ITGB2: variants seen among roughly 807,000 people sequenced by gnomAD.
ITGB2 encodes the protein integrin beta-2.
A neutral mutation model predicts 86.8 loss-of-function variants in ITGB2; 56 were observed. The observed-to-expected ratio is 0.65, with a 90% CI of 0.52 to 0.81. The LOEUF (loss-of-function observed/expected upper bound fraction) is 0.81, where lower values mean the gene tolerates loss of function less well. Among genes scored for constraint, ITGB2 ranks in the 30% least tolerant of loss-of-function variants. The pLI is 0.00. For synonymous variants in ITGB2, 457 were observed against 450.4 expected (o/e 1.01, Z -0.19); for missense variants, 948 against 1,061.2 (o/e 0.89, Z 1.48).
intron 4 of ITGB2, among the ~76,000 whole-genome samples, chr21:44,904,998 C>A (rs922731621): frequency 6.6e-6 from 1 of 152,244 alleles, no homozygotes. Flanking sequence ...AAGGGCCAGA[C>A]AGTAAATGTG....
At chr21:44,922,556 C>T (rs935546319), upstream of ITGB2, among the ~76,000 whole-genome samples, 19 of 150,886 alleles carry the variant, frequency 1.3e-4, no homozygotes, top group African/African-American at 4.6e-4. Flanking sequence ...CGATATGGTC[C>T]AGGCTACTTG....
chr21:44,916,830 T>C (rs947052451), intron 1 of ITGB2, among the ~76,000 whole-genome samples: 31 of 146,012 alleles, frequency 2.1e-4, no homozygotes, highest in Non-Finnish European at 3.1e-4. Flanking sequence ...ATCTCACCTC[T>C]GCACTCCAGC....
chr21:44,919,812 T>TCCTC (rs1432147420), intron 1 of ITGB2, among the ~76,000 whole-genome samples: 1 of 151,990 alleles, frequency 6.6e-6, no homozygotes, highest in East Asian at 1.9e-4. Flanking sequence ...AGCTCCCAGA[T>TCCTC]CCAGGGGAGG....
chr21:44,926,629 C>G (rs1047702583), intron 1 of ITGB2, among the ~76,000 whole-genome samples: 1 of 152,192 alleles, frequency 6.6e-6, no homozygotes, highest in Non-Finnish European at 1.5e-5. Flanking sequence ...GTCAGGTGGG[C>G]GAAACTGGCC....
intron 14 of ITGB2, among the ~76,000 whole-genome samples, chr21:44,887,234 C>T (rs1315124924): frequency 6.6e-6 from 1 of 152,192 alleles, no homozygotes; most frequent in Non-Finnish European, 1.5e-5. Context: ...CCCCGCTCTC[C>T]TACAGCAGAG....
intron 3 of ITGB2, chr21:44,908,116 C>G (rs1332306865): frequency 5.5e-6 from 4 of 726,702 alleles, no homozygotes; most frequent in Non-Finnish European, 1.0e-5. Flanking sequence ...CAGACGGGAG[C>G]CACCCGGCTT....
At chr21:44,928,429 CAG>C (rs1321146870) in intron 1 of ITGB2, 1 of 152,326 alleles carries the variant, frequency 6.6e-6, no homozygotes, top group Non-Finnish European at 1.5e-5. Context: ...ATTGCATGGT[CAG>C]AGAGAGCAAA....
upstream of ITGB2, among the ~76,000 whole-genome samples, chr21:44,925,513 C>T (rs1374460210): frequency 6.6e-6 from 1 of 152,114 alleles, no homozygotes; most frequent in African/African-American, 2.4e-5. Flanking sequence ...ACTGAACTCA[C>T]ATGAGAACCA....
intron 1 of ITGB2, among the ~76,000 whole-genome samples, chr21:44,913,645 G>A (rs1205785111): frequency 2.0e-5 from 3 of 152,284 alleles, no homozygotes; most frequent in Middle Eastern, 3.4e-3. Flanking sequence ...ATGAAGGTCC[G>A]CTCCAGGAGG....
At position 44,889,985 on chromosome 21, in the gene ITGB2, G is replaced by A. The variant is rs142476743; in HGVS notation, c.1650C>T (p.Gly550=). 141 of 1,612,966 alleles carry A rather than the reference G, an allele frequency of 8.7e-5. No homozygotes were observed. The highest frequency in any genetic ancestry group is 1.0e-4 in the Admixed American group (6 of 59,990). Residue 550 remains glycine, a synonymous_variant, in exon 12 of 16, where the codon GGC becomes GGT. Coordinates refer to ENST00000652462, the MANE Select transcript of ITGB2 (RefSeq NM_000211.5). ...NCERYNGQVC[G]GPGRGLCFCG... ...AGGGACCCACGGGCTCACCCGGGCC[G>A]CCGCAGACCTGGCCGTTGTAGCGCT...
chr21:44,906,886 C>T (rs750649868), intron 4 of ITGB2, 29 bp downstream of exon 4: 4 of 1,611,984 alleles, frequency 2.5e-6, no homozygotes, highest in East Asian at 2.2e-5. Flanking sequence ...ACAGACGGTG[C>T]CTGGCACCAC....
chr21:44,890,889 G>A (rs928860415), intron 11 of ITGB2, among the ~76,000 whole-genome samples: 3 of 152,230 alleles, frequency 2.0e-5, no homozygotes, highest in East Asian at 1.9e-4. Flanking sequence ...TGAAGAGGCC[G>A]CCCCAGGGCT....
At chr21:44,893,193 G>C in intron 10 of ITGB2, 1 of 565,034 alleles carries the variant, frequency 1.8e-6, no homozygotes, top group Non-Finnish European at 3.2e-6. Context: ...AAAGAAACAG[G>C]GTCCTTCCAG....
At position 44,886,210 on chromosome 21, in the gene ITGB2, G is replaced by T; in HGVS notation, c.*158C>A. On this transcript the variant is annotated 3_prime_UTR_variant, in exon 16 of 16. Transcript: ENST00000652462. ...GAGCTGTCCCCCCGACGAGCCCCCA[G>T]AAGCACCCGGCCGGCCATGGCTGTC... 1.4e-6 allele frequency: 1 copy of T among 730,438 alleles called. No homozygotes were observed. The highest frequency in any genetic ancestry group is 2.4e-6 in the Non-Finnish European group (1 of 410,060). The allele number at this position is 730,438 out of a possible 1,614,324, so 45.2% of individuals were successfully genotyped here. A position where few individuals can be genotyped will look rare whatever the true frequency, so the allele number is the denominator to read the frequency against.
chr21:44,924,604 T>C (rs1037170286), upstream of ITGB2, among the ~76,000 whole-genome samples: 1 of 151,932 alleles, frequency 6.6e-6, no homozygotes. Context: ...AACCACATAT[T>C]CTAAAGCACA....
In ITGB2 at chr21:44,906,663, C is replaced by T. The variant is rs75887000; in HGVS notation, c.328+252G>A. Among the ~76,000 whole-genome samples, 20,020 of 152,072 alleles carry T rather than the reference C, an allele frequency of 0.13. 1,672 individuals are homozygous for T. Among genetic ancestry groups the T allele is most frequent in the Admixed American group, 0.22 (3,348 of 15,300 alleles). ...TTTAAAAAAAAAAGGTGCAGAACGT[C>T]GGGCTGCGAGAGAGTGCAGACACTG... On this transcript the variant is annotated intron_variant, in intron 4 of 15. Transcript: ENST00000652462.
rs541510772 is a variant in ITGB2, at chr21:44,899,142, C to G, written c.918G>C (p.Gln306His). The part of the protein sequence containing the change: ...SNEFDYPSVG[Q>H]LAHKLAENNI... ...TGTTTTCAGCCAGCTTGTGCGCCAG[C>G]TGGCCCACCGATGGGTAGTCCTGGA... Residue 306 changes from glutamine (Q) to histidine (H), a missense_variant, in exon 8 of 16, where the codon CAG becomes CAC. Transcript: ENST00000652462. 7 of 1,614,118 alleles carry G rather than the reference C, an allele frequency of 4.3e-6. No homozygotes were observed. The Admixed American group carries it at 1.2e-4, about 27-fold the overall frequency.
chr21:44,918,445 T>C lies in ITGB2; in HGVS notation c.-4+2376A>G, dbSNP rs142911805. 4.3e-3 allele frequency among the ~76,000 whole-genome samples: 659 copies of C among 152,250 alleles called. 3 individuals are homozygous for C. Among genetic ancestry groups the C allele is most frequent in the African/African-American group, 0.015 (623 of 41,552 alleles). ...GGGCCTGGCAGGAGCCCTGGGGAAGTGAGTTCAAGTTACACGGTTGACTAT... is the reference window on the plus strand; with the variant it reads ...GGGCCTGGCAGGAGCCCTGGGGAAGCGAGTTCAAGTTACACGGTTGACTAT... On this transcript the variant is annotated intron_variant, in intron 1 of 15. Transcript: ENST00000652462.
At chr21:44,923,956 A>G (rs2084340722), upstream of ITGB2, among the ~76,000 whole-genome samples, 1 of 152,250 alleles carries the variant, frequency 6.6e-6, no homozygotes, top group Non-Finnish European at 1.5e-5. Context: ...AAATCAAAGC[A>G]AAATGCATCA....
Sources: allele counts gnomAD v4.1 joint callset (sites outside exome capture counted in the v4.1 genomes callset), GRCh38; gene constraint gnomAD v4.1.1; transcripts MANE v1.5; gene names NCBI Gene and HGNC (gene_info 2026-07-23, HGNC 2026-07-21).